Variants in RARB observed in about 807,000 individuals in gnomAD.
RARB encodes the protein HBV-activated protein.
In RARB, 17 loss-of-function variants were observed where a neutral mutation model predicts 51.9. The ratio of observed to expected loss-of-function variants is 0.33; its 90% CI spans 0.22 to 0.49. RARB has a LOEUF of 0.49. RARB is among the 20% of genes least tolerant of loss of function. The pLI, the probability that RARB is intolerant of heterozygous loss-of-function variation, is 0.99. For missense variants in RARB, 369 were observed against 550.8 expected (o/e 0.67, Z 3.30); for synonymous variants, 215 against 195.4 (o/e 1.10, Z -0.84).
intron 2 of RARB, among the ~76,000 whole-genome samples, chr3:24,975,744 C>T (rs1310879366): frequency 1.3e-5 from 2 of 150,702 alleles, no homozygotes; most frequent in Non-Finnish European, 3.0e-5. Flanking sequence ...GCTAAATTTT[C>T]TTCTTTTTTG....
At chr3:25,206,477 A>T (rs911682768) in intron 5 of RARB, among the ~76,000 whole-genome samples, 2 of 152,154 alleles carry the variant, frequency 1.3e-5, no homozygotes, top group Non-Finnish European at 2.9e-5. Context: ...CTTTTGACTG[A>T]AGATATAGTT....
chr3:25,083,938 A>T (rs1699057708), intron 3 of RARB, among the ~76,000 whole-genome samples: 1 of 152,152 alleles, frequency 6.6e-6, no homozygotes, highest in Admixed American at 6.6e-5. Context: ...AGCAATTTTT[A>T]TCCACTCCGA....
intron 5 of RARB, among the ~76,000 whole-genome samples, chr3:25,408,859 T>A (rs879628596): frequency 2.6e-5 from 4 of 151,978 alleles, no homozygotes; most frequent in African/African-American, 9.7e-5. Context: ...CATAGTGAAA[T>A]GCAGTCTCTA....
intron 2 of RARB, among the ~76,000 whole-genome samples, chr3:25,036,551 A>G (rs1296066485): frequency 4.6e-5 from 7 of 152,160 alleles, no homozygotes; most frequent in Admixed American, 4.6e-4. Flanking sequence ...TGTGATGCAG[A>G]ATGAGATAAA....
chr3:25,132,077 A>G (rs908113699), intron 3 of RARB, among the ~76,000 whole-genome samples: 7 of 151,932 alleles, frequency 4.6e-5, no homozygotes, highest in Admixed American at 4.6e-4. Context: ...ATCTTGACAC[A>G]TTACACCATA....
chr3:25,265,855 G>A (rs754398213), intron 5 of RARB, among the ~76,000 whole-genome samples: 1 of 152,124 alleles, frequency 6.6e-6, no homozygotes, highest in African/African-American at 2.4e-5. Flanking sequence ...AGCAGGGCTG[G>A]GTTCCCTTTG....
chr3:25,301,937 G>A (rs926082188), intron 5 of RARB, among the ~76,000 whole-genome samples: 4 of 152,196 alleles, frequency 2.6e-5, no homozygotes, highest in Admixed American at 6.5e-5. Flanking sequence ...GGACCTAGCA[G>A]GAGAAAAGGA....
chr3:25,218,047 A>G (rs1228355855), intron 5 of RARB, among the ~76,000 whole-genome samples: 1 of 152,176 alleles, frequency 6.6e-6, no homozygotes. Flanking sequence ...GCCATTCAAT[A>G]AAGTTTATTT....
intron 2 of RARB, among the ~76,000 whole-genome samples, chr3:24,936,626 T>C (rs1211272838): frequency 1.3e-5 from 2 of 152,224 alleles, no homozygotes; most frequent in African/African-American, 2.4e-5. Context: ...CCACAAACTA[T>C]ATATAATCAT....
intron 2 of RARB, among the ~76,000 whole-genome samples, chr3:25,057,575 T>A (rs1360490043): frequency 6.6e-6 from 1 of 152,008 alleles, no homozygotes; most frequent in East Asian, 1.9e-4. Flanking sequence ...ATTTTTGCTT[T>A]GAAAGACTTG....
At chr3:24,984,553 T>C (rs1238236501) in intron 2 of RARB, among the ~76,000 whole-genome samples, 1 of 152,184 alleles carries the variant, frequency 6.6e-6, no homozygotes, top group Non-Finnish European at 1.5e-5. Context: ...AAAAACCGAA[T>C]ACACAGAGAG....
At chr3:25,518,166 A>T (rs1324184302) in intron 3 of RARB, among the ~76,000 whole-genome samples, 1 of 152,220 alleles carries the variant, frequency 6.6e-6, no homozygotes, top group African/African-American at 2.4e-5. Flanking sequence ...ATGATTTTAA[A>T]ATGTTAGGTT....
chr3:24,899,345 C>T (rs551476080), intron 2 of RARB, among the ~76,000 whole-genome samples: 6 of 152,228 alleles, frequency 3.9e-5, no homozygotes, highest in East Asian at 1.9e-4. Context: ...TTGAGAACCA[C>T]GAAGGAGTGG....
intron 5 of RARB, among the ~76,000 whole-genome samples, chr3:25,197,007 T>C (rs1701258635): frequency 6.6e-6 from 1 of 152,108 alleles, no homozygotes; most frequent in Non-Finnish European, 1.5e-5. Flanking sequence ...TTTTCTCCCA[T>C]TCTGTAGGTT....
chr3:25,504,402 A>G (rs1697466691), intron 3 of RARB, among the ~76,000 whole-genome samples: 1 of 152,186 alleles, frequency 6.6e-6, no homozygotes, highest in Non-Finnish European at 1.5e-5. Flanking sequence ...AACTTGGGTC[A>G]TGTGCCCTTC....
chr3:25,054,396 G>C (rs952308689), intron 2 of RARB, among the ~76,000 whole-genome samples: 1 of 152,084 alleles, frequency 6.6e-6, no homozygotes, highest in African/African-American at 2.4e-5. Context: ...AAGCATAGGA[G>C]AGATACAGAG....
intron 5 of RARB, among the ~76,000 whole-genome samples, chr3:25,213,787 A>T (rs1054849302): frequency 6.6e-6 from 1 of 152,212 alleles, no homozygotes; most frequent in Non-Finnish European, 1.5e-5. Flanking sequence ...ATGGTCAATC[A>T]TGCCTATTTA....
intron 5 of RARB, among the ~76,000 whole-genome samples, chr3:25,295,622 T>G (rs1440097672): frequency 6.6e-6 from 1 of 152,234 alleles, no homozygotes; most frequent in Admixed American, 6.5e-5. Context: ...ACTTTTATTT[T>G]ATTTGCCTAA....
intron 4 of RARB, among the ~76,000 whole-genome samples, chr3:25,151,085 G>A (rs1041781465): frequency 2.0e-5 from 3 of 152,272 alleles, no homozygotes; most frequent in Non-Finnish European, 2.9e-5. Context: ...CTCATTTTGT[G>A]TTCTCTTTTT....
Sources: allele counts gnomAD v4.1 joint callset (sites outside exome capture counted in the v4.1 genomes callset), GRCh38; gene constraint gnomAD v4.1.1; transcripts MANE v1.5; gene names NCBI Gene and HGNC (gene_info 2026-07-23, HGNC 2026-07-21).